Variants in TRAK1 observed in about 807,000 individuals in gnomAD.
The protein encoded by TRAK1 is trafficking kinesin protein 1.
In TRAK1, 33 loss-of-function variants were observed where a neutral mutation model predicts 92.1. The ratio of observed to expected loss-of-function variants is 0.36; its 90% CI spans 0.27 to 0.48. The LOEUF (loss-of-function observed/expected upper bound fraction) is 0.48, where lower values mean the gene tolerates loss of function less well. TRAK1 is among the 20% of genes least tolerant of loss of function. The probability of loss-of-function intolerance (pLI) is 0.99; values close to 1 mark genes in which losing one functional copy is unlikely to be tolerated. For synonymous variants in TRAK1, 521 were observed against 517.3 expected, an observed-to-expected ratio of 1.01 and a Z score of -0.10; for missense variants, 1,123 against 1,257.9, an observed-to-expected ratio of 0.89 and a Z score of 1.62.
intron 2 of TRAK1, among the ~76,000 whole-genome samples, chr3:42,139,059 G>A (rs1698346143): frequency 6.6e-6 from 1 of 151,900 alleles, no homozygotes; most frequent in South Asian, 2.1e-4. Context: ...GTTGGAAAGG[G>A]GATCTAATTC....
intron 2 of TRAK1, among the ~76,000 whole-genome samples, chr3:42,145,484 CAAA>C (rs11381054): frequency 4.5e-5 from 4 of 89,678 alleles, no homozygotes; most frequent in Admixed American, 2.5e-4. Flanking sequence ...GACTCTGTCT[CAAA>C]AAAAAAAAAA....
In TRAK1 at chr3:42,110,094, G is replaced by GTGTATA. The variant is rs1417746436; in HGVS notation, c.92-15325_92-15324insGTATAT. Among the ~76,000 whole-genome samples the GTGTATA allele has an allele frequency of 9.6e-5, 8 of 83,238 alleles. 1 individual carries two copies. The highest frequency in any genetic ancestry group is 1.9e-4 in the Non-Finnish European group (8 of 43,228). The allele number at this position is 83,238 out of a possible 152,430, so 54.6% of individuals were successfully genotyped here. A position where few individuals can be genotyped will look rare whatever the true frequency, so the allele number is the denominator to read the frequency against. ...GTGCACATGTACCCTAGAACTTAAA[G>GTGTATA]TATATATATATATATATATATATAT... On this transcript the variant is annotated intron_variant, in intron 1 of 15. Transcript: ENST00000327628.
At chr3:42,210,986 G>T (rs1264342903) in intron 14 of TRAK1, 1 of 985,298 alleles carries the variant, frequency 1.0e-6, no homozygotes, top group East Asian at 1.1e-4. Context: ...CCAACAGCAT[G>T]CTCTGTCTAG....
chr3:42,119,524 A>T (rs1361115533), intron 1 of TRAK1, among the ~76,000 whole-genome samples: 1 of 152,182 alleles, frequency 6.6e-6, no homozygotes, highest in Non-Finnish European at 1.5e-5. Context: ...AGCCTCAATA[A>T]GGTAGTTGTT....
chr3:42,060,334 T>TGGGGGGA (rs1392335044), intron 1 of TRAK1, among the ~76,000 whole-genome samples: 1 of 5,548 alleles, frequency 1.8e-4, no homozygotes, highest in African/African-American at 8.2e-4. Flanking sequence ...AGCACCACGG[T>TGGGGGGA]GGGGGGTGGG....
intron 1 of TRAK1, among the ~76,000 whole-genome samples, chr3:42,057,041 C>T (rs1445841844): frequency 6.6e-6 from 1 of 152,184 alleles, no homozygotes; most frequent in Non-Finnish European, 1.5e-5. Context: ...GTGAAGGGCA[C>T]CTTCTGCCAC....
intron 2 of TRAK1, chr3:42,160,102 C>CCA: frequency 1.2e-6 from 1 of 838,674 alleles, no homozygotes; most frequent in Non-Finnish European, 1.5e-6. Flanking sequence ...CCCACCCCGC[C>CCA]AAGTGCTCCA....
chr3:42,223,670 C>T lies in TRAK1; in HGVS notation c.2795C>T (p.Ala932Val), dbSNP rs372377789. 1.2e-5 allele frequency: 19 copies of T among 1,613,966 alleles called. No individual in the cohort carries two copies. The African/African-American group carries it at 1.7e-4, about 15-fold the overall frequency. ...TMVGSSMQMK[A>V]PVTLTSGILM... ...GTGGGATCTAGCATGCAGATGAAAG[C>T]TCCTGTGACTCTCACCTCGGGCATC... The change falls in exon 16 of 16, where the codon GCT (alanine) becomes GTT (valine). Residue 932 changes from alanine to valine, a missense_variant. Around this residue, in one of 3 missense-constraint regions of TRAK1, gnomAD observed 401 missense variants for 438.9 expected, o/e 0.91. Coordinates refer to ENST00000327628, the MANE Select transcript of TRAK1 (RefSeq NM_001042646.3). The surrounding 1 kb of genome is among the most constrained non-coding windows in gnomAD (Gnocchi z 6.1).
At chr3:42,160,982 A>T (rs540708205) in intron 2 of TRAK1, among the ~76,000 whole-genome samples, 4 of 152,348 alleles carry the variant, frequency 2.6e-5, no homozygotes, top group African/African-American at 9.6e-5. Flanking sequence ...GTCTTATTAA[A>T]TGAAGCATGT....
chr3:42,077,252 A>G (rs545138472), intron 1 of TRAK1, among the ~76,000 whole-genome samples: 1 of 152,204 alleles, frequency 6.6e-6, no homozygotes, highest in Admixed American at 6.5e-5. Flanking sequence ...TTTTAATTAT[A>G]TTGATTCTTC....
intron 2 of TRAK1, among the ~76,000 whole-genome samples, chr3:42,134,831 G>A (rs1263671250): frequency 2.6e-5 from 4 of 151,714 alleles, no homozygotes; most frequent in Non-Finnish European, 5.9e-5. Context: ...CACCCACCTC[G>A]GCCTCCCACA....
intron 1 of TRAK1, among the ~76,000 whole-genome samples, chr3:42,025,860 T>C (rs1270134330): frequency 6.6e-6 from 1 of 152,208 alleles, no homozygotes; most frequent in Non-Finnish European, 1.5e-5. Context: ...CCAGCCTTGT[T>C]CACTTCCCAC....
At chr3:42,156,635 T>C (rs1346111000) in intron 2 of TRAK1, among the ~76,000 whole-genome samples, 1 of 152,198 alleles carries the variant, frequency 6.6e-6, no homozygotes, top group African/African-American at 2.4e-5. Flanking sequence ...CTAATAAGTG[T>C]TGGAATGATG....
intron 2 of TRAK1, among the ~76,000 whole-genome samples, chr3:42,135,949 G>A (rs1328430139): frequency 6.6e-6 from 1 of 152,086 alleles, no homozygotes; most frequent in Non-Finnish European, 1.5e-5. Context: ...CCACCTGCCC[G>A]ACTTCCATAG....
intron 1 of TRAK1, among the ~76,000 whole-genome samples, chr3:42,093,704 CCCCTT>C: frequency 4.2e-5 from 2 of 47,152 alleles, no homozygotes; most frequent in Non-Finnish European, 9.0e-5. Context: ...CCCCTCCCCT[CCCCTT>C]CCTTTTTTTT....
intron 6 of TRAK1, among the ~76,000 whole-genome samples, chr3:42,190,401 T>C (rs1403238970): frequency 2.6e-5 from 4 of 152,190 alleles, no homozygotes; most frequent in Non-Finnish European, 4.4e-5. Context: ...TCTTGTTCTG[T>C]TAGACCTCAC....
In TRAK1 at chr3:42,160,221, A is replaced by C. The variant is rs1044979175; in HGVS notation, c.287-16593A>C. Reference sequence around the variant, plus strand: ...TACACCCCTCCACTTCAGCTGAGCCAGGGCATGTCTGCGGCCCAGGCCAGG... The same window carrying C: ...TACACCCCTCCACTTCAGCTGAGCCCGGGCATGTCTGCGGCCCAGGCCAGG... On this transcript the variant is annotated intron_variant, in intron 2 of 15. Transcript: ENST00000327628. The C allele has an allele frequency of 2.7e-6, 4 of 1,454,724 alleles. No homozygotes were observed. The African/African-American group carries it at 4.3e-5, about 16-fold the overall frequency. 90.1% of individuals were successfully genotyped at this position (1,454,724 alleles called of 1,614,324 possible). A position where few individuals can be genotyped will look rare whatever the true frequency, so the allele number is the denominator to read the frequency against.
intron 2 of TRAK1, chr3:42,151,483 A>C (rs1193337322): frequency 7.5e-6 from 3 of 399,934 alleles, no homozygotes; most frequent in South Asian, 3.7e-5. Flanking sequence ...GTCTGAATGT[A>C]TGTTGAGCAA....
chr3:42,091,273 G>T, upstream of TRAK1: 1 of 559,594 alleles, frequency 1.8e-6, no homozygotes. Context: ...AGCTGATAGG[G>T]TTCCCAGGCT....
Sources: allele counts gnomAD v4.1 joint callset (sites outside exome capture counted in the v4.1 genomes callset), GRCh38; gene constraint gnomAD v4.1.1; regional missense constraint gnomAD v4.1.1; non-coding constraint Gnocchi (gnomAD v3.1); transcripts MANE v1.5; gene names NCBI Gene and HGNC (gene_info 2026-07-23, HGNC 2026-07-21).